NCOA3: variants seen among roughly 807,000 people sequenced by gnomAD.
NCOA3 encodes nuclear receptor coactivator 3, also known as CBP-interacting protein.
NCOA3 carries 51 observed loss-of-function variants against 158.8 expected under a neutral mutation model. The observed-to-expected ratio is 0.32, with a 90% CI of 0.26 to 0.41. NCOA3 has a LOEUF of 0.41. Among genes scored for constraint, NCOA3 ranks in the 10% least tolerant of loss-of-function variants. The probability of loss-of-function intolerance (pLI) is 1.00; values close to 1 mark genes in which losing one functional copy is unlikely to be tolerated. For synonymous variants in NCOA3, 537 were observed against 592.4 expected (o/e 0.91, Z 1.36); for missense variants, 1,510 against 1,746.6 (o/e 0.86, Z 2.41).
chr20:47,601,604 G>A (rs1187952220), intron 2 of NCOA3, among the ~76,000 whole-genome samples: 2 of 152,154 alleles, frequency 1.3e-5, no homozygotes, highest in Non-Finnish European at 2.9e-5. Flanking sequence ...TTATAAATGA[G>A]CCTATCTCAT....
chr20:47,641,330 T>G (rs867997108), intron 16 of NCOA3, among the ~76,000 whole-genome samples: 2 of 144,038 alleles, frequency 1.4e-5, no homozygotes, highest in African/African-American at 5.2e-5. Context: ...ATTTCTTTTT[T>G]TTTTTTTTTT....
chr20:47,642,308 C>T lies in NCOA3; in HGVS notation c.3176C>T (p.Thr1059Ile), dbSNP rs201143442. 1 of 1,613,638 alleles carries T rather than the reference C, an allele frequency of 6.2e-7. No individual in the cohort carries two copies. Among genetic ancestry groups the T allele is most frequent in the Admixed American group, 1.7e-5 (1 of 59,830 alleles). The change falls in exon 17 of 23, where the codon ACT becomes ATT. Residue 1059 changes from threonine to isoleucine, a missense_variant. Physicochemically the swap from Thr to Ile is moderately conservative, Grantham distance 89. This residue lies in a region of NCOA3 where 1,017 missense variants were observed against 1,098.3 expected (regional missense o/e 0.93). Transcript: ENST00000371998. ...AGAGCATTATTGGACCAGCTGCACA[C>T]TCTTCTCAGCAACACAGATGCCACA... The part of the protein sequence containing the change: ...DERALLDQLH[T>I]LLSNTDATGL...
chr20:47,607,576 A>G (rs1568721781), intron 2 of NCOA3, among the ~76,000 whole-genome samples: 1 of 152,192 alleles, frequency 6.6e-6, no homozygotes, highest in Non-Finnish European at 1.5e-5. Context: ...TTCTCTGGGT[A>G]TCTCTCATGG....
chr20:47,648,545 C>G lies in NCOA3; in HGVS notation c.3547-460C>G, dbSNP rs2086729073. Among the ~76,000 whole-genome samples, 4 of 151,964 alleles carry G rather than the reference C, an allele frequency of 2.6e-5. No homozygotes were observed. In the South Asian group the frequency reaches 8.3e-4, roughly 32 times the overall value. The stretch of plus-strand genomic sequence containing the variant: ...TGGAATGCAGTGGTGCAGTCACAGC[C>G]CACTGCAGCCTCGACCTCCCAGGCT... On this transcript the variant is annotated intron_variant, in intron 18 of 22. Coordinates refer to ENST00000371998, the MANE Select transcript of NCOA3 (RefSeq NM_181659.3).
rs2084371503 is a variant in NCOA3, at chr20:47,523,057, A to C, written c.-99+21038A>C. 4.6e-5 allele frequency among the ~76,000 whole-genome samples: 7 copies of C among 152,046 alleles called. No individual in the cohort carries two copies. In the South Asian group the frequency reaches 1.5e-3, roughly 32 times the overall value. On this transcript the variant is annotated intron_variant, in intron 1 of 22. Coordinates refer to ENST00000371998, the MANE Select transcript of NCOA3 (RefSeq NM_181659.3). The stretch of plus-strand genomic sequence containing the variant: ...TACAAAAAGCCAGGCGTGGTGGCCT[A>C]CACCTGTAGTCCCAGCTACTCCGGA...
At chr20:47,646,424 G>T (rs563971341) in intron 17 of NCOA3, among the ~76,000 whole-genome samples, 1 of 152,132 alleles carries the variant, frequency 6.6e-6, no homozygotes, top group African/African-American at 2.4e-5. Flanking sequence ...AGCCTGCTTG[G>T]GGGGAAGGGC....
intron 17 of NCOA3, among the ~76,000 whole-genome samples, chr20:47,642,686 C>A (rs72645282): frequency 1.3e-5 from 2 of 152,228 alleles, no homozygotes; most frequent in East Asian, 3.9e-4. Context: ...ACCTTTTATT[C>A]ATGTTAACAG....
At chr20:47,626,857 A>T (rs1000095903) in intron 5 of NCOA3, 145 bp from the exon 6 acceptor site, 4 of 656,840 alleles carry the variant, frequency 6.1e-6, no homozygotes, top group Non-Finnish European at 1.0e-5. Context: ...CCCCACCGTT[A>T]TGACCTCATT....
intron 1 of NCOA3, among the ~76,000 whole-genome samples, chr20:47,510,942 T>C (rs1452090065): frequency 6.6e-6 from 1 of 152,120 alleles, no homozygotes; most frequent in Non-Finnish European, 1.5e-5. Context: ...GGCCTTAAAC[T>C]TCAATCATCT....
intron 1 of NCOA3, among the ~76,000 whole-genome samples, chr20:47,509,036 A>G (rs769122268): frequency 5.3e-5 from 8 of 152,226 alleles, no homozygotes; most frequent in Admixed American, 1.3e-4. Context: ...TTGATTGAAC[A>G]TAAATGAATT....
chr20:47,539,540 G>A (rs1483955787), intron 1 of NCOA3, among the ~76,000 whole-genome samples: 1 of 152,164 alleles, frequency 6.6e-6, no homozygotes, highest in African/African-American at 2.4e-5. Context: ...ATGGCAAAGT[G>A]CTAAGCTCTT....
chr20:47,618,370 T>TA (rs1555811917), intron 2 of NCOA3, among the ~76,000 whole-genome samples: 11 of 142,096 alleles, frequency 7.7e-5, no homozygotes, highest in African/African-American at 2.5e-4. Flanking sequence ...TTTTTTTTTT[T>TA]ATAGACAGAA....
intron 1 of NCOA3, among the ~76,000 whole-genome samples, chr20:47,522,569 G>T (rs2084360713): frequency 6.6e-6 from 1 of 152,074 alleles, no homozygotes; most frequent in African/African-American, 2.4e-5. Context: ...TATATATGCA[G>T]CGGCTGGAGG....
chr20:47,647,312 A>T lies in NCOA3; in HGVS notation c.3492A>T (p.Thr1164=), dbSNP rs1402391830. ...HPRANIMRPR[T]NTPKQLRMQL... ...GAGCCAACATCATGAGACCCCGGAC[A>T]AACACCCCCAAGCAACTTAGAATGC... The change falls in exon 18 of 23, where the codon ACA becomes ACT. Residue 1164 remains threonine, a synonymous_variant. Coordinates refer to ENST00000371998, the MANE Select transcript of NCOA3 (RefSeq NM_181659.3). 6.2e-7 allele frequency: 1 copy of T among 1,614,088 alleles called. No individual in the cohort carries two copies. Among genetic ancestry groups the T allele is most frequent in the South Asian group, 1.1e-5 (1 of 91,088 alleles).
chr20:47,627,358 G>C (rs1443921158), intron 6 of NCOA3, among the ~76,000 whole-genome samples, 182 bp downstream of exon 6: 1 of 152,078 alleles, frequency 6.6e-6, no homozygotes, highest in Non-Finnish European at 1.5e-5. Flanking sequence ...CATTTTAAGA[G>C]GCATATAGTT....
At chr20:47,608,853 T>C (rs2085997144) in intron 2 of NCOA3, among the ~76,000 whole-genome samples, 1 of 152,166 alleles carries the variant, frequency 6.6e-6, no homozygotes, top group African/African-American at 2.4e-5. Flanking sequence ...ATTTGGTATC[T>C]TGTAGCACAC....
intron 8 of NCOA3, 128 bp from the exon 9 acceptor site, chr20:47,633,368 G>C: frequency 3.5e-6 from 3 of 846,006 alleles, no homozygotes; most frequent in Non-Finnish European, 5.4e-6. Flanking sequence ...GTAGAAATTT[G>C]GATCAGAGAA....
At chr20:47,650,909 T>A (rs944252197) in intron 19 of NCOA3, 73 bp from the exon 20 acceptor site, 1 of 1,379,280 alleles carries the variant, frequency 7.3e-7, no homozygotes, top group African/African-American at 1.4e-5. Flanking sequence ...TGGTGTATTG[T>A]GGGGGTACTA....
intron 2 of NCOA3, among the ~76,000 whole-genome samples, chr20:47,597,701 C>T (rs958361444): frequency 2.6e-5 from 4 of 151,690 alleles, no homozygotes; most frequent in Admixed American, 6.6e-5. Flanking sequence ...ATTGTCCAGG[C>T]TGGTCTTGAA....
Sources: gnomAD v4.1 joint callset for allele counts (sites outside exome capture counted in the v4.1 genomes callset) on GRCh38, gnomAD v4.1.1 for gene constraint, gnomAD v4.1.1 regional missense constraint, MANE v1.5 for transcripts, NCBI Gene and HGNC (gene_info 2026-07-23, HGNC 2026-07-21) for gene names.